The following INPP5B variants were observed in gnomAD, a reference collection of about 807,000 sequenced individuals.
The protein encoded by INPP5B is type II inositol 1,4,5-trisphosphate 5-phosphatase.
INPP5B carries 90 observed loss-of-function variants against 118.5 expected under a neutral mutation model. The observed-to-expected ratio is 0.76, with a 90% CI of 0.64 to 0.90. The LOEUF is 0.90. Ranked by LOEUF, INPP5B falls within the 40% of genes least tolerant of loss-of-function variation. INPP5B has a pLI of 0.00. For missense variants in INPP5B, 984 were observed against 1,125.6 expected (o/e 0.87, Z 1.80); for synonymous variants, 385 against 418.9 (o/e 0.92, Z 0.99).
intron 6 of INPP5B, among the ~76,000 whole-genome samples, chr1:37,940,038 C>A (rs1049680822): frequency 6.6e-6 from 1 of 152,060 alleles, no homozygotes; most frequent in African/African-American, 2.4e-5. Context: ...GAAGACCAGC[C>A]CTCTCCCATT....
At position 37,862,294 on chromosome 1, in the gene INPP5B, A is replaced by G. The variant is rs1641743732; in HGVS notation, c.*21T>C. 1.3e-6 allele frequency: 2 copies of G among 1,528,594 alleles called. No homozygotes were observed. Among genetic ancestry groups the G allele is most frequent in the South Asian group, 2.2e-5 (2 of 89,024 alleles). The allele number at this position is 1,528,594 out of a possible 1,614,324, so 94.7% of individuals were successfully genotyped here. On this transcript the variant is annotated 3_prime_UTR_variant, in exon 24 of 24. Coordinates refer to ENST00000373024, the MANE Select transcript of INPP5B (RefSeq NM_005540.3). ...GGGCTGGTAATTGGCAGCCTCAAGT[A>G]AAATAGGAGGAGAGAGAGGCTCAGA...
At chr1:37,887,254 C>G in intron 11 of INPP5B, 97 bp downstream of exon 11, 1 of 862,574 alleles carries the variant, frequency 1.2e-6, no homozygotes, top group South Asian at 1.6e-5. Flanking sequence ...ATAATTAAGA[C>G]TGGCTTAAGA....
intron 7 of INPP5B, among the ~76,000 whole-genome samples, chr1:37,903,878 C>CA (rs1644416102): frequency 6.6e-6 from 1 of 151,112 alleles, no homozygotes; most frequent in Non-Finnish European, 1.5e-5. Context: ...AGATTCTGTC[C>CA]AAAAAAAGAA....
intron 13 of INPP5B, chr1:37,883,833 C>T (rs1056793560): frequency 8.1e-6 from 8 of 985,432 alleles, no homozygotes; most frequent in Non-Finnish European, 9.6e-6. Context: ...CTGTTTACTC[C>T]TTGGCAGATA....
intron 21 of INPP5B, 86 bp downstream of exon 21, chr1:37,866,373 C>T: frequency 1.3e-6 from 1 of 748,304 alleles, no homozygotes; most frequent in South Asian, 1.6e-5. Context: ...TTTCTCACCC[C>T]TCTCACTCAT....
chr1:37,876,605 A>T (rs1642830525), intron 16 of INPP5B, among the ~76,000 whole-genome samples: 1 of 146,954 alleles, frequency 6.8e-6, no homozygotes, highest in African/African-American at 2.5e-5. Flanking sequence ...CACGCCAGTA[A>T]TCCCAGCACT....
Position 37,932,037 on chromosome 1 carries a change from G to C in INPP5B, c.408C>G (p.Thr136=). 6.3e-7 allele frequency: 1 copy of C among 1,599,978 alleles called. No individual in the cohort carries two copies. The highest frequency in any genetic ancestry group is 1.1e-5 in the South Asian group (1 of 90,632). ...ACAGCCACAGGAATTCAGGATCCCG[G>C]GTCGCAGAATCGAAGCCTGTGCAGG... ...ARACPGFDSA[T]RDPEFLWLSR... The change falls in exon 7 of 24, where the codon ACC becomes ACG. Residue 136 remains threonine (T), a synonymous_variant. Transcript: ENST00000373024.
At chr1:37,930,585 T>C (rs1005617592) in intron 7 of INPP5B, 1 of 152,262 alleles carries the variant, frequency 6.6e-6, no homozygotes, top group African/African-American at 2.4e-5. Context: ...CAGAATGTCA[T>C]GGAAACTCTA....
chr1:37,879,556 T>C (rs1190500696), intron 15 of INPP5B, among the ~76,000 whole-genome samples: 1 of 151,828 alleles, frequency 6.6e-6, no homozygotes, highest in East Asian at 1.9e-4. Flanking sequence ...TCACTTGAGG[T>C]CAGGAGTTCA....
chr1:37,943,665 G>A lies in INPP5B; in HGVS notation c.255C>T (p.Ser85=), dbSNP rs1381681124. 1.2e-6 allele frequency: 2 copies of A among 1,614,012 alleles called. No individual in the cohort carries two copies. The highest frequency in any genetic ancestry group is 3.3e-5 in the Admixed American group (2 of 59,994). The change falls in exon 5 of 24, where the codon TCC becomes TCT. Residue 85 remains serine, a synonymous_variant. Coordinates refer to ENST00000373024, the MANE Select transcript of INPP5B (RefSeq NM_005540.3). ...VSRDFTLEEV[S]PDGELYILGS... ...CAAGGATGTAGAGTTCACCATCTGG[G>A]GACACTGTGGGGAGGGAAATGAGAA...
Position 37,889,683 on chromosome 1 carries a change from G to A in INPP5B, c.671C>T (p.Ser224Phe), listed in dbSNP as rs952509954. The change falls in exon 9 of 24, where the codon TCC becomes TTC. Residue 224 changes from serine to phenylalanine, a missense_variant. Around this residue, in one of 2 missense-constraint regions of INPP5B, gnomAD observed 350 missense variants for 334.6 expected, o/e 1.05. Coordinates refer to ENST00000373024, the MANE Select transcript of INPP5B (RefSeq NM_005540.3). ...SKSEITDMVR[S>F]STITVSDKAH... is the part of the protein sequence containing the mutation. ...CTTGTCCGACACTGTGATAGTGGAG[G>A]AGCGAACCATGTCAGTAATTTCGGA... The A allele has an allele frequency of 1.2e-6, 2 of 1,613,054 alleles. No homozygotes were observed. The highest frequency in any genetic ancestry group is 1.7e-5 in the Admixed American group (1 of 59,762).
chr1:37,924,218 G>C (rs999223774), intron 7 of INPP5B, among the ~76,000 whole-genome samples: 2 of 151,778 alleles, frequency 1.3e-5, no homozygotes. Flanking sequence ...GCCCAGGCTG[G>C]AGTGCAGTGG....
At position 37,889,852 on chromosome 1, in the gene INPP5B, T is replaced by C; in HGVS notation, c.630-128A>G. 8.5e-6 allele frequency: 5 copies of C among 584,894 alleles called. No homozygotes were observed. The South Asian group carries it at 1.3e-4, about 16-fold the overall frequency. The allele number at this position is 584,894 out of a possible 1,614,324, so 36.2% of individuals were successfully genotyped here. A position where few individuals can be genotyped will look rare whatever the true frequency, so the allele number is the denominator to read the frequency against. ...AAGACTAAAGGAGGCCAAAGTAAAA[T>C]TTATCTACTAAAACAACACTATTTC... On this transcript the variant is annotated intron_variant, in intron 8 of 23. Coordinates refer to ENST00000373024, the MANE Select transcript of INPP5B (RefSeq NM_005540.3).
At chr1:37,865,978 G>A (rs978263001) in intron 21 of INPP5B, 90 bp from the exon 22 acceptor site, 51 of 1,561,834 alleles carry the variant, frequency 3.3e-5, no homozygotes, top group Non-Finnish European at 4.4e-5. Context: ...AGTGCTGCCT[G>A]CCCTGTCAGG....
intron 13 of INPP5B, 81 bp downstream of exon 13, chr1:37,885,557 C>T: frequency 8.1e-7 from 1 of 1,236,218 alleles, no homozygotes; most frequent in Admixed American, 2.0e-5. Flanking sequence ...AAACCACCAC[C>T]AGGCATCTCC....
At chr1:37,936,092 C>G (rs1180604948) in intron 6 of INPP5B, among the ~76,000 whole-genome samples, 5 of 151,864 alleles carry the variant, frequency 3.3e-5, no homozygotes, top group Non-Finnish European at 2.9e-5. Flanking sequence ...AATAAAATTC[C>G]TTAATGGTTC....
chr1:37,880,345 A>G, intron 14 of INPP5B, 151 bp from the exon 15 acceptor site: 1 of 534,628 alleles, frequency 1.9e-6, no homozygotes, highest in Non-Finnish European at 3.3e-6. Flanking sequence ...TAAGTTAGCT[A>G]ACTCCTAGGA....
chr1:37,936,023 G>A (rs1184463610), intron 6 of INPP5B, among the ~76,000 whole-genome samples: 1 of 152,052 alleles, frequency 6.6e-6, no homozygotes, highest in Non-Finnish European at 1.5e-5. Flanking sequence ...CCGAGATCAC[G>A]CCACTGCACT....
chr1:37,895,923 C>T (rs961442865), intron 7 of INPP5B, among the ~76,000 whole-genome samples: 1 of 152,242 alleles, frequency 6.6e-6, no homozygotes, highest in Admixed American at 6.5e-5. Context: ...GCAGCCTCTG[C>T]CCGGCCACCA....
Sources: gnomAD v4.1 joint callset for allele counts (sites outside exome capture counted in the v4.1 genomes callset) on GRCh38, gnomAD v4.1.1 for gene constraint, gnomAD v4.1.1 regional missense constraint, MANE v1.5 for transcripts, NCBI Gene and HGNC (gene_info 2026-07-23, HGNC 2026-07-21) for gene names.